Variants in COL5A2 observed in about 807,000 individuals in gnomAD.
COL5A2 encodes the protein collagen alpha-2(V) chain.
A neutral mutation model predicts 208.2 loss-of-function variants in COL5A2; 23 were observed. The observed-to-expected ratio is 0.11, with a 90% CI of 0.08 to 0.16. The LOEUF is 0.16. Ranked by LOEUF, COL5A2 falls within the 10% of genes least tolerant of loss-of-function variation. The pLI is 1.00. For missense variants in COL5A2, 1,590 were observed against 1,956.4 expected, an observed-to-expected ratio of 0.81 and a Z score of 3.53; for synonymous variants, 625 against 628.5, an observed-to-expected ratio of 0.99 and a Z score of 0.08.
intron 1 of COL5A2, among the ~76,000 whole-genome samples, chr2:189,224,085 GAGA>G (rs1689381753): frequency 6.6e-6 from 1 of 151,810 alleles, no homozygotes; most frequent in Non-Finnish European, 1.5e-5. Context: ...GAAGCTGAGA[GAGA>G]AGAAGAAAAA....
chr2:189,092,589 T>G (rs1379971132), intron 6 of COL5A2, among the ~76,000 whole-genome samples, 169 bp from the exon 7 acceptor site: 1 of 152,234 alleles, frequency 6.6e-6, no homozygotes, highest in East Asian at 1.9e-4. Context: ...GATTTCAGCA[T>G]AGGTCTGAAC....
chr2:189,280,814 T>G, the COL5A2 span, among the ~76,000 whole-genome samples: 1 of 152,072 alleles, frequency 6.6e-6, no homozygotes, highest in Non-Finnish European at 1.5e-5. Context: ...AGAATACAAT[T>G]CTCAATGGAG....
intron 1 of COL5A2, among the ~76,000 whole-genome samples, chr2:189,209,746 A>G (rs1398962234): frequency 6.6e-6 from 1 of 152,244 alleles, no homozygotes; most frequent in South Asian, 2.1e-4. Context: ...GGCTGAGTAG[A>G]TGATGAAGCT....
chr2:189,239,050 G>A, the COL5A2 span, among the ~76,000 whole-genome samples: 6 of 152,216 alleles, frequency 3.9e-5, no homozygotes, highest in East Asian at 1.2e-3. Context: ...GGTAATATGA[G>A]TTAGCAAAGT....
At chr2:189,088,579 G>GAATA in intron 8 of COL5A2, 116 bp downstream of exon 8, 1 of 813,162 alleles carries the variant, frequency 1.2e-6, no homozygotes, top group South Asian at 1.4e-5. Flanking sequence ...ATGAATGAAT[G>GAATA]TACGACTGTG....
chr2:189,364,512 C>A, the COL5A2 span, among the ~76,000 whole-genome samples: 1 of 152,102 alleles, frequency 6.6e-6, no homozygotes, highest in East Asian at 1.9e-4. Flanking sequence ...CATGGTGAAA[C>A]CCCGTCTCTA....
chr2:189,339,921 G>A, the COL5A2 span, among the ~76,000 whole-genome samples: 1 of 152,174 alleles, frequency 6.6e-6, no homozygotes. Context: ...CAATGTCCAT[G>A]TTTATTCAAA....
At chr2:189,409,435 TG>T in the COL5A2 span, among the ~76,000 whole-genome samples, 1 of 152,184 alleles carries the variant, frequency 6.6e-6, no homozygotes, top group South Asian at 2.1e-4. Context: ...CAAGTTTCAT[TG>T]TTCAATTAGC....
At chr2:189,152,229 A>C (rs1247847651) in intron 1 of COL5A2, among the ~76,000 whole-genome samples, 1 of 152,206 alleles carries the variant, frequency 6.6e-6, no homozygotes, top group African/African-American at 2.4e-5. Flanking sequence ...TTTAAAATAC[A>C]AGATGATGCA....
chr2:189,369,510 T>C, the COL5A2 span, among the ~76,000 whole-genome samples: 1 of 152,148 alleles, frequency 6.6e-6, no homozygotes, highest in African/African-American at 2.4e-5. Context: ...GTTTGATACA[T>C]TCGTTTTCAT....
intron 1 of COL5A2, among the ~76,000 whole-genome samples, chr2:189,149,089 G>A (rs972162261): frequency 1.3e-5 from 2 of 152,158 alleles, no homozygotes; most frequent in Admixed American, 6.5e-5. Flanking sequence ...GCAGTGAGCC[G>A]AGATCGCACC....
intron 1 of COL5A2, among the ~76,000 whole-genome samples, chr2:189,122,611 T>C (rs1687527637): frequency 6.6e-6 from 1 of 152,212 alleles, no homozygotes; most frequent in Non-Finnish European, 1.5e-5. Flanking sequence ...TGCAACATTC[T>C]ATTACACTTA....
intron 31 of COL5A2, among the ~76,000 whole-genome samples, chr2:189,059,523 C>T (rs932428038): frequency 1.0e-4 from 15 of 148,714 alleles, no homozygotes; most frequent in Non-Finnish European, 5.9e-5. Context: ...CTCACTGTGG[C>T]CTGATCTCCC....
intron 38 of COL5A2, 89 bp from the exon 39 acceptor site, chr2:189,053,107 A>T: frequency 9.4e-7 from 1 of 1,061,980 alleles, no homozygotes; most frequent in Non-Finnish European, 1.4e-6. Flanking sequence ...TCAATTAATC[A>T]TATATTGTGA....
At chr2:189,332,023 T>C in the COL5A2 span, among the ~76,000 whole-genome samples, 1 of 150,532 alleles carries the variant, frequency 6.6e-6, no homozygotes, top group Admixed American at 6.6e-5. Context: ...ACATTGTGAC[T>C]AGACATTGTA....
chr2:189,288,916 A>C, the COL5A2 span, among the ~76,000 whole-genome samples: 39 of 152,212 alleles, frequency 2.6e-4, no homozygotes, highest in African/African-American at 9.4e-4. Flanking sequence ...AAGATCAATA[A>C]ATGTGATACG....
At chr2:189,154,025 T>C (rs2105791254) in intron 1 of COL5A2, among the ~76,000 whole-genome samples, 1 of 152,246 alleles carries the variant, frequency 6.6e-6, no homozygotes, top group East Asian at 1.9e-4. Context: ...CTTTCAGTCA[T>C]ATTAATAACT....
chr2:189,239,237 T>A, the COL5A2 span, among the ~76,000 whole-genome samples: 1 of 152,070 alleles, frequency 6.6e-6, no homozygotes, highest in Non-Finnish European at 1.5e-5. Flanking sequence ...ATCTTCAGAT[T>A]TTTTTAATGT....
chr2:189,214,558 T>C (rs1227721467), intron 1 of COL5A2, among the ~76,000 whole-genome samples: 2 of 152,196 alleles, frequency 1.3e-5, no homozygotes, highest in African/African-American at 4.8e-5. Flanking sequence ...GAGTAATTTA[T>C]TAAAATTTCT....
Sources: allele counts gnomAD v4.1 joint callset (sites outside exome capture counted in the v4.1 genomes callset), GRCh38; gene constraint gnomAD v4.1.1; transcripts MANE v1.5; gene names NCBI Gene and HGNC (gene_info 2026-07-23, HGNC 2026-07-21).